The following NMNAT2 variants were observed in gnomAD, a reference collection of about 807,000 sequenced individuals.
NMNAT2 encodes the protein nicotinamide/nicotinic acid mononucleotide adenylyltransferase 2.
In NMNAT2, 11 loss-of-function variants were observed where a neutral mutation model predicts 41.6. That is an observed-to-expected ratio of 0.26 (90% CI 0.17 to 0.44). The LOEUF is 0.44. NMNAT2 is among the 20% of genes least tolerant of loss of function. The pLI is 1.00. For synonymous variants in NMNAT2, 148 were observed against 151.2 expected, an observed-to-expected ratio of 0.98 and a Z score of 0.16; for missense variants, 288 against 407.7, an observed-to-expected ratio of 0.71 and a Z score of 2.53.
chr1:183,403,135 T>C (rs1403749366), intron 1 of NMNAT2, among the ~76,000 whole-genome samples: 1 of 152,110 alleles, frequency 6.6e-6, no homozygotes, highest in Non-Finnish European at 1.5e-5. Context: ...GGTTTCACCA[T>C]GTTGGCTAGG....
intron 1 of NMNAT2, among the ~76,000 whole-genome samples, chr1:183,372,428 T>TA (rs1663569897): frequency 6.7e-6 from 1 of 150,258 alleles, no homozygotes; most frequent in South Asian, 2.1e-4. Flanking sequence ...AGCAAGGGAG[T>TA]GGAAGCAAGA....
chr1:183,382,367 A>G (rs985217979), intron 1 of NMNAT2, among the ~76,000 whole-genome samples: 1 of 152,210 alleles, frequency 6.6e-6, no homozygotes, highest in African/African-American at 2.4e-5. Context: ...ACACAAATCC[A>G]AACCATATCT....
At chr1:183,291,769 A>G (rs1661546162) in intron 3 of NMNAT2, among the ~76,000 whole-genome samples, 1 of 152,198 alleles carries the variant, frequency 6.6e-6, no homozygotes. Context: ...CGGGTGTATC[A>G]ATGTATCATT....
chr1:183,282,872 G>A (rs895110829), intron 7 of NMNAT2: 1 of 152,190 alleles, frequency 6.6e-6, no homozygotes, highest in Non-Finnish European at 1.5e-5. Flanking sequence ...GGAGTTTTGA[G>A]TATTCATTCC....
intron 1 of NMNAT2, among the ~76,000 whole-genome samples, chr1:183,329,956 GCTCCA>G (rs1233868242): frequency 6.6e-6 from 1 of 152,206 alleles, no homozygotes; most frequent in Non-Finnish European, 1.5e-5. Context: ...CCAGTTCTGT[GCTCCA>G]CTCACTCTAT....
chr1:183,344,104 C>A (rs995361725), intron 1 of NMNAT2, among the ~76,000 whole-genome samples: 1 of 152,174 alleles, frequency 6.6e-6, no homozygotes, highest in Non-Finnish European at 1.5e-5. Flanking sequence ...TGCTGAGAAG[C>A]TTTCCTAAAT....
At chr1:183,382,353 A>G (rs1261273878) in intron 1 of NMNAT2, among the ~76,000 whole-genome samples, 23 of 144,500 alleles carry the variant, frequency 1.6e-4, no homozygotes, top group South Asian at 4.4e-4. Context: ...AGATTTGGGC[A>G]GGGACACAAA....
intron 1 of NMNAT2, among the ~76,000 whole-genome samples, chr1:183,298,112 G>A (rs937355733): frequency 6.6e-6 from 1 of 152,200 alleles, no homozygotes; most frequent in African/African-American, 2.4e-5. Context: ...AGTGGTGAAA[G>A]ATTGAATGCT....
Position 183,418,230 on chromosome 1 carries a change from G to A in NMNAT2, c.38C>T (p.Ala13Val). The A allele has an allele frequency of 6.2e-7, 1 of 1,614,120 alleles. No homozygotes were observed. Among genetic ancestry groups the A allele is most frequent in the Non-Finnish European group, 8.5e-7 (1 of 1,180,016 alleles). Residue 13 changes from alanine to valine, a missense_variant, in exon 1 of 11, where the codon GCC becomes GTC. By Grantham distance (64) the Ala-to-Val change is moderately conservative. Around this residue, in one of 3 missense-constraint regions of NMNAT2, gnomAD observed 100 missense variants for 168.5 expected, o/e 0.59. Coordinates refer to ENST00000287713, the MANE Select transcript of NMNAT2 (RefSeq NM_015039.4). ...ETTKTHVILLACGSFNPITKG... is the reference protein window; with the variant it reads ...ETTKTHVILLVCGSFNPITKG... ...GGTGATGGGATTGAAGCTGCCGCAG[G>A]CGAGCAAGATAACGTGGGTCTTGGT...
chr1:183,370,002 G>A (rs1299456310), intron 1 of NMNAT2, among the ~76,000 whole-genome samples: 1 of 152,008 alleles, frequency 6.6e-6, no homozygotes, highest in Non-Finnish European at 1.5e-5. Context: ...AGCCCGCTAG[G>A]TCATGCTAAA....
chr1:183,409,531 G>A (rs184301000), intron 1 of NMNAT2, among the ~76,000 whole-genome samples: 1 of 152,202 alleles, frequency 6.6e-6, no homozygotes, highest in Admixed American at 6.5e-5. Context: ...TGCCCAGGCT[G>A]GTCTCGAACC....
At chr1:183,406,581 G>A (rs1254946256) in intron 1 of NMNAT2, among the ~76,000 whole-genome samples, 3 of 152,174 alleles carry the variant, frequency 2.0e-5, no homozygotes, top group Non-Finnish European at 4.4e-5. Context: ...TGTTTTAAAA[G>A]GGATTTCAGA....
rs561655215 is a variant in NMNAT2 at position 183,302,928 on chromosome 1, G to T, written c.86-9135C>A. Among the ~76,000 whole-genome samples, 15 of 152,168 alleles carry T rather than the reference G, an allele frequency of 9.9e-5. No individual in the cohort carries two copies. The South Asian group carries it at 3.1e-3, about 32-fold the overall frequency. Reference sequence around the variant, plus strand: ...GGCCCCCTATGACTCAGTGTGCCCCGTCCTCTTGGGACCTGTGAGTATAAC... The same window carrying T: ...GGCCCCCTATGACTCAGTGTGCCCCTTCCTCTTGGGACCTGTGAGTATAAC... On this transcript the variant is annotated intron_variant, in intron 1 of 10. Transcript: ENST00000287713.
chr1:183,287,982 G>C (rs1276223994), intron 4 of NMNAT2, among the ~76,000 whole-genome samples: 1 of 152,206 alleles, frequency 6.6e-6, no homozygotes, highest in African/African-American at 2.4e-5. Context: ...CTGGGAGCCA[G>C]CTGGGGTGGG....
intron 3 of NMNAT2, 63 bp from the exon 4 acceptor site, chr1:183,290,269 C>G: frequency 7.4e-7 from 1 of 1,352,078 alleles, no homozygotes; most frequent in South Asian, 1.3e-5. Context: ...TTATTGTTAC[C>G]TTCCAAAAAT....
chr1:183,290,167 C>A lies in NMNAT2; in HGVS notation c.282G>T (p.Thr94=). 6.3e-7 allele frequency: 1 copy of A among 1,587,872 alleles called. No homozygotes were observed. Among genetic ancestry groups the A allele is most frequent in the East Asian group, 2.3e-5 (1 of 43,866 alleles). ...GGTGGTGTTCCAACACGCTGCAGGT[C>A]GTCTGCCAGGTGTCCTGGTAGCACT... ...PWECYQDTWQ[T]TCSVLEHHRD... Residue 94 remains threonine, a synonymous_variant, in exon 4 of 11, where the codon ACG becomes ACT. Coordinates refer to ENST00000287713, the MANE Select transcript of NMNAT2 (RefSeq NM_015039.4).
chr1:183,380,349 T>C (rs886187720), intron 1 of NMNAT2, among the ~76,000 whole-genome samples: 2 of 152,256 alleles, frequency 1.3e-5, no homozygotes, highest in African/African-American at 4.8e-5. Flanking sequence ...TCTTTTGCTA[T>C]GGTTTTGCTG....
chr1:183,263,951 C>T (rs1040112076), intron 8 of NMNAT2, among the ~76,000 whole-genome samples: 2 of 151,740 alleles, frequency 1.3e-5, no homozygotes, highest in South Asian at 2.1e-4. Flanking sequence ...ATTAAAGCTC[C>T]GGGGAAATTG....
intron 1 of NMNAT2, among the ~76,000 whole-genome samples, chr1:183,334,349 G>A (rs1157652029): frequency 6.6e-6 from 1 of 151,944 alleles, no homozygotes; most frequent in African/African-American, 2.4e-5. Flanking sequence ...TTACAGGCGT[G>A]AGCCACCATA....
Sources: allele counts gnomAD v4.1 joint callset (sites outside exome capture counted in the v4.1 genomes callset), GRCh38; gene constraint gnomAD v4.1.1; regional missense constraint gnomAD v4.1.1; transcripts MANE v1.5; gene names NCBI Gene and HGNC (gene_info 2026-07-23, HGNC 2026-07-21).